THSD7B: variants seen among roughly 807,000 people sequenced by gnomAD.
The protein encoded by THSD7B is thrombospondin type 1 domain containing 7B.
Under a neutral mutation model 213.6 loss-of-function variants are expected in THSD7B, and 138 were observed. The observed-to-expected ratio is 0.65, with a 90% CI of 0.56 to 0.74. THSD7B has a LOEUF of 0.74. Ranked by LOEUF, THSD7B falls within the 30% of genes least tolerant of loss-of-function variation. The pLI is 0.00. For missense variants in THSD7B, 1,931 were observed against 1,991.5 expected, an observed-to-expected ratio of 0.97 and a Z score of 0.58; for synonymous variants, 742 against 687.0, an observed-to-expected ratio of 1.08 and a Z score of -1.25.
chr2:136,991,210 A>G (rs902462541), intron 2 of THSD7B, among the ~76,000 whole-genome samples: 1 of 152,244 alleles, frequency 6.6e-6, no homozygotes, highest in African/African-American at 2.4e-5. Context: ...GATACAAAAT[A>G]GAGCAAGTCA....
chr2:137,258,504 A>G (rs1474828371), intron 10 of THSD7B, among the ~76,000 whole-genome samples: 1 of 151,936 alleles, frequency 6.6e-6, no homozygotes, highest in Non-Finnish European at 1.5e-5. Flanking sequence ...ATTACATTAG[A>G]TGACCCCCTA....
At chr2:137,490,530 C>T (rs1343580646) in intron 15 of THSD7B, among the ~76,000 whole-genome samples, 31 of 152,082 alleles carry the variant, frequency 2.0e-4, no homozygotes, top group Admixed American at 2.0e-3. Flanking sequence ...TAGCCTCAGC[C>T]CCTGCACATA....
chr2:137,207,630 A>G (rs1289233367), intron 7 of THSD7B, among the ~76,000 whole-genome samples: 1 of 152,068 alleles, frequency 6.6e-6, no homozygotes, highest in Non-Finnish European at 1.5e-5. Context: ...CTTTCATAAT[A>G]TGGCTAAGAG....
At chr2:136,969,615 T>C (rs1685373368) in intron 2 of THSD7B, among the ~76,000 whole-genome samples, 1 of 152,190 alleles carries the variant, frequency 6.6e-6, no homozygotes, top group African/African-American at 2.4e-5. Context: ...AAATATTTTG[T>C]GAAAATAGTG....
chr2:137,318,696 C>T (rs1235429116), intron 12 of THSD7B, among the ~76,000 whole-genome samples: 3 of 151,408 alleles, frequency 2.0e-5, no homozygotes, highest in South Asian at 2.1e-4. Flanking sequence ...TAACTTTTGT[C>T]TCTATACTTA....
At chr2:137,001,813 T>TTA (rs1246517318) in intron 2 of THSD7B, among the ~76,000 whole-genome samples, 1 of 152,194 alleles carries the variant, frequency 6.6e-6, no homozygotes, top group Non-Finnish European at 1.5e-5. Flanking sequence ...CTCCTCTATT[T>TTA]ATCAACCCAA....
At chr2:137,646,583 C>A (rs1001945338) in intron 21 of THSD7B, among the ~76,000 whole-genome samples, 27 of 149,440 alleles carry the variant, frequency 1.8e-4, no homozygotes, top group African/African-American at 6.6e-4. Context: ...ACCTGGGAGG[C>A]GGAGGTTGGA....
chr2:137,594,458 A>T (rs1244532506), intron 17 of THSD7B, among the ~76,000 whole-genome samples: 1 of 151,998 alleles, frequency 6.6e-6, no homozygotes, highest in Non-Finnish European at 1.5e-5. Context: ...CTGCTATAAG[A>T]TTAATGGCCC....
At chr2:137,288,276 CT>C (rs1683230799) in intron 12 of THSD7B, among the ~76,000 whole-genome samples, 1 of 152,048 alleles carries the variant, frequency 6.6e-6, no homozygotes, top group African/African-American at 2.4e-5. Context: ...AACAATGCTT[CT>C]TTATGCCAAC....
intron 1 of THSD7B, among the ~76,000 whole-genome samples, chr2:136,852,464 C>A (rs980037395): frequency 6.6e-6 from 1 of 152,078 alleles, no homozygotes; most frequent in Admixed American, 6.5e-5. Context: ...AGAGGAACAC[C>A]GCCTTGCTAA....
intron 5 of THSD7B, among the ~76,000 whole-genome samples, chr2:137,142,489 A>G (rs1251398250): frequency 6.6e-6 from 1 of 152,164 alleles, no homozygotes; most frequent in African/African-American, 2.4e-5. Context: ...TGAGCATTCA[A>G]ACCGTAGCAA....
intron 15 of THSD7B, among the ~76,000 whole-genome samples, chr2:137,518,389 C>G (rs1680114691): frequency 6.6e-6 from 1 of 152,130 alleles, no homozygotes; most frequent in African/African-American, 2.4e-5. Flanking sequence ...TGGTTGTGCA[C>G]TTTGCATGGA....
At chr2:136,935,845 T>C (rs2105053886) in intron 2 of THSD7B, among the ~76,000 whole-genome samples, 1 of 150,020 alleles carries the variant, frequency 6.7e-6, no homozygotes, top group South Asian at 2.1e-4. Context: ...TGCCAAGCTA[T>C]TTATTACATT....
At chr2:137,171,301 A>T (rs1008175068) in intron 7 of THSD7B, among the ~76,000 whole-genome samples, 6 of 152,214 alleles carry the variant, frequency 3.9e-5, no homozygotes, top group African/African-American at 1.4e-4. Context: ...TATATTATAA[A>T]CAAATGTCAT....
chr2:137,231,757 A>C (rs186757389), intron 8 of THSD7B, among the ~76,000 whole-genome samples: 1 of 152,260 alleles, frequency 6.6e-6, no homozygotes, highest in East Asian at 1.9e-4. Context: ...GGCTTTGATG[A>C]AGCTAAAAAG....
intron 3 of THSD7B, among the ~76,000 whole-genome samples, chr2:137,070,550 TA>T (rs1687461734): frequency 6.7e-6 from 1 of 149,772 alleles, no homozygotes; most frequent in African/African-American, 2.5e-5. Context: ...TAAAATTTTT[TA>T]TTTTTTTTTT....
chr2:136,994,775 T>C (rs1468073002), intron 2 of THSD7B, among the ~76,000 whole-genome samples: 1 of 152,200 alleles, frequency 6.6e-6, no homozygotes, highest in Non-Finnish European at 1.5e-5. Context: ...GCATCAATAC[T>C]AACATTCAAA....
chr2:137,584,139 C>T (rs564337489), intron 17 of THSD7B, among the ~76,000 whole-genome samples: 3 of 152,002 alleles, frequency 2.0e-5, no homozygotes, highest in East Asian at 3.9e-4. Flanking sequence ...GCTCACTGTT[C>T]GTCTGTTATT....
chr2:137,468,671 G>T (rs1304033135), intron 15 of THSD7B, among the ~76,000 whole-genome samples: 2 of 151,534 alleles, frequency 1.3e-5, no homozygotes, highest in African/African-American at 4.8e-5. Flanking sequence ...TTTTGACATA[G>T]TGAAAATATT....
Sources: allele counts gnomAD v4.1 joint callset (sites outside exome capture counted in the v4.1 genomes callset), GRCh38; gene constraint gnomAD v4.1.1; transcripts MANE v1.5; gene names NCBI Gene and HGNC (gene_info 2026-07-23, HGNC 2026-07-21).